Variants in CASP6 observed in about 807,000 individuals in gnomAD.
CASP6 encodes caspase 6.
In CASP6, 20 loss-of-function variants were observed where a neutral mutation model predicts 31.8. The ratio of observed to expected loss-of-function variants is 0.63; its 90% CI spans 0.44 to 0.91. The LOEUF is 0.91. CASP6 is among the 40% of genes least tolerant of loss of function. CASP6 has a pLI of 0.00. For missense variants in CASP6, 328 were observed against 361.1 expected, an observed-to-expected ratio of 0.91 and a Z score of 0.74; for synonymous variants, 130 against 127.8, an observed-to-expected ratio of 1.02 and a Z score of -0.12.
chr4:109,671,754 G>A, the CASP6 span, among the ~76,000 whole-genome samples: 1 of 152,096 alleles, frequency 6.6e-6, no homozygotes, highest in Non-Finnish European at 1.5e-5. Context: ...AACTGTGGTT[G>A]TTGTTGTTTT....
At chr4:109,706,308 C>T (rs1263880880), upstream of CASP6, among the ~76,000 whole-genome samples, 1 of 151,040 alleles carries the variant, frequency 6.6e-6, no homozygotes, top group Admixed American at 6.6e-5. Context: ...TGAGGGAAGT[C>T]ACTGTAGATG....
At chr4:109,694,245 A>G (rs1018643400) in intron 5 of CASP6, among the ~76,000 whole-genome samples, 8 of 152,118 alleles carry the variant, frequency 5.3e-5, no homozygotes, top group African/African-American at 1.9e-4. Context: ...ACGCTTTCCA[A>G]TGGCTCTCCT....
At chr4:109,672,181 G>A in the CASP6 span, among the ~76,000 whole-genome samples, 14 of 152,146 alleles carry the variant, frequency 9.2e-5, no homozygotes, top group African/African-American at 3.4e-4. Flanking sequence ...GGCTAGAGGG[G>A]TCTGTAGTTG....
At chr4:109,706,211 T>C (rs1730617347), upstream of CASP6, among the ~76,000 whole-genome samples, 1 of 135,794 alleles carries the variant, frequency 7.4e-6, no homozygotes, top group Admixed American at 7.6e-5. Context: ...TATACATAGG[T>C]ATATGCATAT....
upstream of CASP6, among the ~76,000 whole-genome samples, chr4:109,704,318 C>T (rs542863376): frequency 9.9e-5 from 15 of 152,252 alleles, no homozygotes; most frequent in Admixed American, 9.2e-4. Flanking sequence ...AGGAGAAAAG[C>T]CAAGTCATGA....
chr4:109,693,625 C>T (rs932211123), intron 5 of CASP6, among the ~76,000 whole-genome samples: 35 of 144,372 alleles, frequency 2.4e-4, no homozygotes, highest in African/African-American at 8.6e-4. Flanking sequence ...GCGGAGGTTG[C>T]AGTGAGCCGA....
the CASP6 span, among the ~76,000 whole-genome samples, chr4:109,675,273 G>A: frequency 9.9e-5 from 15 of 152,136 alleles, no homozygotes; most frequent in Admixed American, 4.6e-4. Flanking sequence ...TAAACATTTC[G>A]TGCCACTTGA....
the CASP6 span, chr4:109,682,903 C>T: frequency 3.5e-6 from 2 of 568,928 alleles, no homozygotes; most frequent in Non-Finnish European, 6.2e-6. Flanking sequence ...CCTCATTTTT[C>T]AGATGAGGAA....
the CASP6 span, among the ~76,000 whole-genome samples, chr4:109,673,273 G>A: frequency 6.6e-6 from 1 of 152,304 alleles, no homozygotes; most frequent in South Asian, 2.1e-4. Context: ...GATGTTTACA[G>A]GCCATCCCAT....
upstream of CASP6, among the ~76,000 whole-genome samples, chr4:109,705,364 C>T (rs1463770601): frequency 6.6e-6 from 1 of 152,208 alleles, no homozygotes; most frequent in Non-Finnish European, 1.5e-5. Flanking sequence ...TGACAATACA[C>T]CTGGTCATCC....
upstream of CASP6, among the ~76,000 whole-genome samples, chr4:109,706,174 C>CACATACATACAT (rs1554022993): frequency 3.3e-5 from 3 of 91,916 alleles, no homozygotes; most frequent in African/African-American, 1.6e-4. Context: ...TATATATACA[C>CACATACATACAT]ACACACATAT....
chr4:109,687,233 C>A, downstream of CASP6, among the ~76,000 whole-genome samples: 1 of 151,874 alleles, frequency 6.6e-6, no homozygotes, highest in East Asian at 1.9e-4. Flanking sequence ...GTGGTGGGCA[C>A]CTGTGGTCCT....
At chr4:109,699,189 G>GT (rs914026284) in intron 1 of CASP6, among the ~76,000 whole-genome samples, 1 of 152,184 alleles carries the variant, frequency 6.6e-6, no homozygotes, top group African/African-American at 2.4e-5. Context: ...TCATGCATCT[G>GT]TTTTTACCTG....
chr4:109,706,007 TA>T (rs1416054179), upstream of CASP6, among the ~76,000 whole-genome samples: 13 of 64,576 alleles, frequency 2.0e-4, no homozygotes, highest in African/African-American at 1.1e-3. Context: ...AAAAAATATA[TA>T]TATATATATA....
chr4:109,709,002 C>T, the CASP6 span, among the ~76,000 whole-genome samples: 2 of 152,194 alleles, frequency 1.3e-5, no homozygotes, highest in Admixed American at 6.5e-5. Flanking sequence ...GGTAATGCAA[C>T]TTAACCTCTC....
chr4:109,669,010 T>C, the CASP6 span, among the ~76,000 whole-genome samples: 1 of 152,130 alleles, frequency 6.6e-6, no homozygotes, highest in African/African-American at 2.4e-5. Context: ...TAAGCATACA[T>C]AGTCAAAACC....
At chr4:109,680,355 G>A in the CASP6 span, among the ~76,000 whole-genome samples, 1 of 152,074 alleles carries the variant, frequency 6.6e-6, no homozygotes, top group Non-Finnish European at 1.5e-5. Context: ...CCCTGACTCT[G>A]TTCAAGCCCC....
At chr4:109,689,624 TG>T (rs1177593281) in intron 6 of CASP6, 56 bp from the exon 7 acceptor site, 7 of 1,454,958 alleles carry the variant, frequency 4.8e-6, no homozygotes, top group Non-Finnish European at 5.7e-6. Context: ...AATTACTGTG[TG>T]TATTCTTTTT....
the CASP6 span, among the ~76,000 whole-genome samples, chr4:109,668,863 G>A: frequency 1.3e-5 from 2 of 151,890 alleles, no homozygotes; most frequent in South Asian, 4.1e-4. Context: ...ACTATTGCAA[G>A]TCCACTTTCA....
Sources: gnomAD v4.1 joint callset for allele counts (sites outside exome capture counted in the v4.1 genomes callset) on GRCh38, gnomAD v4.1.1 for gene constraint, MANE v1.5 for transcripts, NCBI Gene and HGNC (gene_info 2026-07-23, HGNC 2026-07-21) for gene names.